Variants in DDX60L observed in about 807,000 individuals in gnomAD.
DDX60L encodes the protein DExD/H-box 60 like, also known as probable ATP-dependent RNA helicase DDX60-like.
In DDX60L, 191 loss-of-function variants were observed where a neutral mutation model predicts 211.6. The ratio of observed to expected loss-of-function variants is 0.90; its 90% CI spans 0.80 to 1.02. The LOEUF (loss-of-function observed/expected upper bound fraction) is 1.02. DDX60L is among the 50% of genes least tolerant of loss of function. The pLI, the probability that DDX60L is intolerant of heterozygous loss-of-function variation, is 0.00. For missense variants in DDX60L, 2,007 were observed against 1,984.1 expected (o/e 1.01, Z -0.22); for synonymous variants, 706 against 694.1 (o/e 1.02, Z -0.27).
rs764370028 is a variant in DDX60L, at chr4:168,461,721, CT to C, written c.583del (p.Arg195GlufsTer12). On this transcript the variant is annotated frameshift_variant, in exon 5 of 38. Transcript: ENST00000682922. LOFTEE classifies it high-confidence loss of function. ...TACCTCCTTGGAAAAAGTTTGGTTT[CT>C]GTCTGTGCTTTCCATAGTATATGCA... is the stretch of plus-strand genomic sequence containing the variant. Reference protein sequence around the residue: ...FYAYTMESTDRNQTFSKENET... With the variant: ...FYAYTMESTDXNQTFSKENET... 3 of 1,557,558 alleles carry C rather than the reference CT, an allele frequency of 1.9e-6. No homozygotes were observed. In the Admixed American group the frequency reaches 5.8e-5, roughly 30 times the overall value.
Position 168,382,970 on chromosome 4 carries a change from G to A in DDX60L, c.4116+1642C>T, listed in dbSNP as rs1174361210. 3.3e-5 allele frequency among the ~76,000 whole-genome samples: 5 copies of A among 152,306 alleles called. 1 individual carries two copies. In the South Asian group the frequency reaches 1.0e-3, roughly 32 times the overall value. ...TATGATGCTAAGAAGTCCTTGACTT[G>A]CATTAACTATAATTTATAGTGGTTG... On this transcript the variant is annotated intron_variant, in intron 30 of 37. Coordinates refer to ENST00000682922, the MANE Select transcript of DDX60L (RefSeq NM_001012967.3).
chr4:168,396,112 G>A lies in DDX60L; in HGVS notation c.3504C>T (p.Asn1168=), dbSNP rs1560983165. Residue 1168 remains asparagine, a synonymous_variant, in exon 27 of 38, where the codon AAC becomes AAT. Coordinates refer to ENST00000682922, the MANE Select transcript of DDX60L (RefSeq NM_001012967.3). ...TTTCCAGTTTTTCAGCCTTCTTTGG[G>A]TTTTTTTTAGTGCTACTATTTAAAA... ...RKTQKRITKK[N]PKKAEKLERK... is the part of the protein sequence containing the mutation. 5 of 1,399,532 alleles carry A rather than the reference G, an allele frequency of 3.6e-6. No individual in the cohort carries two copies. The Admixed American group carries it at 7.8e-5, about 22-fold the overall frequency. The allele number at this position is 1,399,532 out of a possible 1,614,324, so 86.7% of individuals were successfully genotyped here.
chr4:168,442,293 G>A lies in DDX60L; in HGVS notation c.1139-801C>T, dbSNP rs545219568. 3.9e-5 allele frequency among the ~76,000 whole-genome samples: 6 copies of A among 152,134 alleles called. No homozygotes were observed. The South Asian group carries it at 8.3e-4, about 21-fold the overall frequency. ...TCCCACCAGAATACTGCACTTTTGCGACGGGCTTAAAAAACGGCGCACCAC... is the reference window on the plus strand; with the variant it reads ...TCCCACCAGAATACTGCACTTTTGCAACGGGCTTAAAAAACGGCGCACCAC... On this transcript the variant is annotated intron_variant, in intron 9 of 37. Transcript: ENST00000682922.
At chr4:168,423,905 G>T in intron 14 of DDX60L, 131 bp from the exon 15 acceptor site, 3 of 543,476 alleles carry the variant, frequency 5.5e-6, no homozygotes, top group Non-Finnish European at 6.1e-6. Context: ...CTTTAAAGGA[G>T]ATTTTAGAGC....
At chr4:168,405,852 A>C in intron 24 of DDX60L, 98 bp downstream of exon 24, 12 of 1,316,038 alleles carry the variant, frequency 9.1e-6, no homozygotes, top group Non-Finnish European at 1.2e-5. Flanking sequence ...CAAAAATCGG[A>C]ATAAAAAGAT....
chr4:168,394,677 A>G lies in DDX60L; in HGVS notation c.3658-60T>C, dbSNP rs141952670. On this transcript the variant is annotated intron_variant, in intron 27 of 37. Transcript: ENST00000682922. ...TGTATTTTATTTAATTTCAAGCTCA[A>G]TCAGAATCAAAGGACATTTTCACAA... is the stretch of plus-strand genomic sequence containing the variant. The G allele has an allele frequency of 5.2e-4, 762 of 1,472,632 alleles. 7 individuals carry two copies. Among genetic ancestry groups the G allele is most frequent in the South Asian group, 4.2e-3 (328 of 78,034 alleles). The allele number at this position is 1,472,632 out of a possible 1,614,324, so 91.2% of individuals were successfully genotyped here.
At position 168,441,394 on chromosome 4, in the gene DDX60L, A is replaced by C. The variant is rs1753813843; in HGVS notation, c.1237T>G (p.Phe413Val). The part of the protein sequence containing the change: ...LVKEFNVGKS[F>V]PLRTTRRHFL... Reference sequence around the variant, plus strand: ...TGTCTTCTTGTTGTTCTCAGAGGAAAAGACTTTCCAACGTTAAATTCTTTA... The same window carrying C: ...TGTCTTCTTGTTGTTCTCAGAGGAACAGACTTTCCAACGTTAAATTCTTTA... The change falls in exon 10 of 38, where the codon TTT becomes GTT. Residue 413 changes from phenylalanine (F) to valine (V), a missense_variant. Transcript: ENST00000682922. The C allele has an allele frequency of 1.9e-6, 3 of 1,612,978 alleles. No individual in the cohort carries two copies. Among genetic ancestry groups the C allele is most frequent in the Non-Finnish European group, 2.5e-6 (3 of 1,179,484 alleles).
intron 35 of DDX60L, 38 bp from the exon 36 acceptor site, chr4:168,371,801 T>C (rs758796050): frequency 3.2e-6 from 5 of 1,541,246 alleles, no homozygotes; most frequent in Admixed American, 3.5e-5. Context: ...ATTACTGATA[T>C]GTAAAGAGTA....
intron 10 of DDX60L, 23 bp from the exon 11 acceptor site, chr4:168,433,138 G>A: frequency 6.7e-7 from 1 of 1,499,244 alleles, no homozygotes; most frequent in Non-Finnish European, 9.2e-7. Flanking sequence ...ATAAATTTAA[G>A]ATGAGAGGAA....
In DDX60L at chr4:168,471,985, C is replaced by T. The variant is rs569107073; in HGVS notation, c.75-49G>A. The T allele has an allele frequency of 1.5e-5, 22 of 1,437,078 alleles. No individual in the cohort carries two copies. The African/African-American group carries it at 3.0e-4, about 20-fold the overall frequency. The allele number at this position is 1,437,078 out of a possible 1,614,324, so 89.0% of individuals were successfully genotyped here. ...AAAAATCACAGATGTTTCACAGAGA[C>T]TTTGTTGCTGTTGTTGTTACTATTA... is the stretch of plus-strand genomic sequence containing the variant. On this transcript the variant is annotated intron_variant, in intron 3 of 37. Coordinates refer to ENST00000682922, the MANE Select transcript of DDX60L (RefSeq NM_001012967.3).
intron 4 of DDX60L, among the ~76,000 whole-genome samples, chr4:168,467,128 G>A (rs1758090943): frequency 6.6e-6 from 1 of 152,088 alleles, no homozygotes; most frequent in Non-Finnish European, 1.5e-5. Context: ...ATATTTAGTG[G>A]CTAGGCACAG....
rs934791703 is a variant in DDX60L at position 168,430,697 on chromosome 4, G to A, written c.1517-59C>T. The stretch of plus-strand genomic sequence containing the variant: ...TTTTAAAATATTGCTATATATGTGT[G>A]CTACCCACACATTATTTTTTTAACT... On this transcript the variant is annotated intron_variant, in intron 12 of 37. Transcript: ENST00000682922. 10 of 1,270,494 alleles carry A rather than the reference G, an allele frequency of 7.9e-6. No individual in the cohort carries two copies. The Admixed American group carries it at 9.6e-5, about 12-fold the overall frequency. 78.7% of individuals were successfully genotyped at this position (1,270,494 alleles called of 1,614,324 possible).
At chr4:168,415,308 TTATC>T in intron 22 of DDX60L, 96 bp downstream of exon 22, 1 of 491,644 alleles carries the variant, frequency 2.0e-6, no homozygotes. Context: ...AAGAAAAAGA[TTATC>T]TATACATGCT....
intron 36 of DDX60L, 57 bp downstream of exon 36, chr4:168,371,555 T>C (rs992408932): frequency 1.0e-6 from 1 of 980,556 alleles, no homozygotes; most frequent in Non-Finnish European, 1.5e-6. Context: ...TATACAATAA[T>C]AAAACATAGA....
At chr4:168,435,130 G>A (rs2087365) in intron 10 of DDX60L, among the ~76,000 whole-genome samples, 45,065 of 151,984 alleles carry the variant, frequency 0.3, 8,191 homozygotes, top group East Asian at 0.62. Flanking sequence ...CTTGTGGAAC[G>A]TCAGGTGACT....
At chr4:168,359,004 G>A (rs1206778881) in intron 37 of DDX60L, among the ~76,000 whole-genome samples, 1 of 152,098 alleles carries the variant, frequency 6.6e-6, no homozygotes, top group Non-Finnish European at 1.5e-5. Flanking sequence ...CCAATTCAGT[G>A]GAAAAAAATT....
chr4:168,373,608 T>C, intron 35 of DDX60L, 58 bp downstream of exon 35: 4 of 1,550,768 alleles, frequency 2.6e-6, no homozygotes, highest in South Asian at 1.2e-5. Context: ...TTCACAGCAA[T>C]GTAACCCCAC....
intron 17 of DDX60L, among the ~76,000 whole-genome samples, chr4:168,420,929 A>C (rs781590289): frequency 2.6e-4 from 39 of 152,018 alleles, no homozygotes; most frequent in Non-Finnish European, 1.9e-4. Context: ...AGCCCCTAGG[A>C]TTCCCCTTCT....
chr4:168,432,690 G>T, intron 11 of DDX60L, 120 bp from the exon 12 acceptor site: 1 of 558,106 alleles, frequency 1.8e-6, no homozygotes, highest in Admixed American at 3.8e-5. Context: ...TATAATGTGG[G>T]TCATAAAACC....
Sources: gnomAD v4.1 joint callset for allele counts (sites outside exome capture counted in the v4.1 genomes callset) on GRCh38, gnomAD v4.1.1 for gene constraint, MANE v1.5 for transcripts, NCBI Gene and HGNC (gene_info 2026-07-23, HGNC 2026-07-21) for gene names.